The following LTBP4 variants were observed in gnomAD, a reference collection of about 807,000 sequenced individuals.
The protein encoded by LTBP4 is latent transforming growth factor beta binding protein 4, also known as latent-transforming growth factor beta-binding protein 4.
In LTBP4, 93 loss-of-function variants were observed where a neutral mutation model predicts 180.2. That is an observed-to-expected ratio of 0.52 (90% confidence interval 0.44 to 0.61). LTBP4 has a LOEUF of 0.61. Ranked by LOEUF, LTBP4 falls within the 20% of genes least tolerant of loss-of-function variation. The pLI, the probability that LTBP4 is intolerant of heterozygous loss-of-function variation, is 0.00. For missense variants in LTBP4, 2,116 were observed against 2,256.5 expected (o/e 0.94, Z 1.26); for synonymous variants, 947 against 934.5 (o/e 1.01, Z -0.24).
rs1251903579 is a variant in LTBP4 at position 40,609,837 on chromosome 19, C to G, written c.1650C>G (p.Gly550=). The G allele has an allele frequency of 1.3e-6, 2 of 1,596,280 alleles. No individual in the cohort carries two copies. The highest frequency in any genetic ancestry group is 1.7e-6 in the Non-Finnish European group (2 of 1,170,512). The change falls in exon 11 of 30, where the codon GGC becomes GGG. Residue 550 remains glycine, a synonymous_variant. Coordinates refer to ENST00000396819, the MANE Select transcript of LTBP4 (RefSeq NM_001042545.2). The surrounding 1 kb of genome is among the most constrained non-coding windows in gnomAD (Gnocchi z 4.9). ...PGSFRCVCGP[G]FRAGPRAAEC... Reference sequence around the variant, plus strand: ...GCTTCCGCTGCGTGTGCGGCCCGGGCTTCCGAGCCGGCCCACGGGCTGCGG... The same window carrying G: ...GCTTCCGCTGCGTGTGCGGCCCGGGGTTCCGAGCCGGCCCACGGGCTGCGG...
intron 22 of LTBP4, among the ~76,000 whole-genome samples, chr19:40,620,793 T>C (rs1465499248): frequency 1.3e-5 from 2 of 148,328 alleles, no homozygotes; most frequent in Non-Finnish European, 3.0e-5. Context: ...AAAAAAGCTA[T>C]GTATTTATTT....
chr19:40,623,792 T>C, intron 25 of LTBP4, 60 bp downstream of exon 25: 2 of 1,604,180 alleles, frequency 1.2e-6, no homozygotes, highest in South Asian at 2.2e-5. Flanking sequence ...CCTTGCCAGC[T>C]CCCCTCTGGA....
Position 40,605,738 on chromosome 19 carries a change from C to T in LTBP4, c.700C>T (p.Pro234Ser). Residue 234 changes from proline (P) to serine (S), a missense_variant, in exon 4 of 30, where the codon CCG becomes TCG. Coordinates refer to ENST00000396819, the MANE Select transcript of LTBP4 (RefSeq NM_001042545.2). This position sits in a 1 kb window ranked among gnomAD's most constrained non-coding sequence, Gnocchi z 5.5. ...CAACACTTCCCCGCAGTGCGCGTCCCCGCTGCCCGGGCTCCGGACGCAGGA... is the reference window on the plus strand; with the variant it reads ...CAACACTTCCCCGCAGTGCGCGTCCTCGCTGCCCGGGCTCCGGACGCAGGA... Reference protein sequence around the residue: ...RELRGGECASPLPGLRTQEVC... With the variant: ...RELRGGECASSLPGLRTQEVC... 6.5e-7 allele frequency: 1 copy of T among 1,545,812 alleles called. No homozygotes were observed. The highest frequency in any genetic ancestry group is 8.7e-7 in the Non-Finnish European group (1 of 1,146,544).
chr19:40,625,293 TATATATATATATATA>T (rs2081622615), intron 26 of LTBP4, among the ~76,000 whole-genome samples: 4 of 12,826 alleles, frequency 3.1e-4, no homozygotes, highest in Non-Finnish European at 4.8e-4. Flanking sequence ...TATATATATA[TATATATATATATATA>T]TATATATATT....
chr19:40,600,109 G>A (rs1599857482), upstream of LTBP4: 2 of 1,258,326 alleles, frequency 1.6e-6, no homozygotes, highest in Non-Finnish European at 2.0e-6. The surrounding 1 kb of genome is among the most constrained non-coding windows in gnomAD (Gnocchi z 4.4). Context: ...CGGCGGCCCC[G>A]GGGGCCAGGG....
At chr19:40,612,775 T>C (rs1028924121) in intron 15 of LTBP4, among the ~76,000 whole-genome samples, 1 of 152,208 alleles carries the variant, frequency 6.6e-6, no homozygotes, top group African/African-American at 2.4e-5. Flanking sequence ...TAGTTTATAA[T>C]ACTTGACTGG....
chr19:40,621,014 T>A (rs1168652150), intron 22 of LTBP4, among the ~76,000 whole-genome samples: 1 of 151,750 alleles, frequency 6.6e-6, no homozygotes, highest in Non-Finnish European at 1.5e-5. Context: ...TGATCTCAGC[T>A]CACTGTAACC....
chr19:40,626,265 T>C (rs1287993400), intron 27 of LTBP4, among the ~76,000 whole-genome samples: 1 of 152,080 alleles, frequency 6.6e-6, no homozygotes, highest in African/African-American at 2.4e-5. Context: ...TGAGGTCTGG[T>C]CTCTCATATG....
chr19:40,607,648 C>T, intron 7 of LTBP4, 119 bp downstream of exon 7: 1 of 1,172,084 alleles, frequency 8.5e-7, no homozygotes, highest in Non-Finnish European at 1.2e-6. Context: ...CAGCCTTGGC[C>T]ACGCAGCAGC....
intron 22 of LTBP4, among the ~76,000 whole-genome samples, chr19:40,621,163 G>C (rs138779544): frequency 6.6e-6 from 1 of 152,012 alleles, no homozygotes; most frequent in Non-Finnish European, 1.5e-5. Flanking sequence ...GGCTGGTCTC[G>C]AACTCCTGAC....
upstream of LTBP4, among the ~76,000 whole-genome samples, chr19:40,597,669 G>C (rs867000945): frequency 1.4e-4 from 22 of 152,086 alleles, no homozygotes; most frequent in African/African-American, 4.3e-4. Flanking sequence ...GGGGGTGGGG[G>C]GCTGAGCTCT....
chr19:40,608,531 G>T lies in LTBP4; in HGVS notation c.1354G>T (p.Asp452Tyr), dbSNP rs373835441. 2.5e-6 allele frequency: 4 copies of T among 1,605,440 alleles called. No homozygotes were observed. The highest frequency in any genetic ancestry group is 1.7e-5 in the Admixed American group (1 of 58,812). ...GGAGCCCCGGCCTGAACCCCGGCCCGATCCCCGGCCCGGCCCTGAGCTTCC... is the reference window on the plus strand; with the variant it reads ...GGAGCCCCGGCCTGAACCCCGGCCCTATCCCCGGCCCGGCCCTGAGCTTCC... The part of the protein sequence containing the change: ...RLEPRPEPRP[D>Y]PRPGPELPLP... The change falls in exon 9 of 30, where the codon GAT becomes TAT. Residue 452 changes from aspartate (D) to tyrosine (Y), a missense_variant. Transcript: ENST00000396819.
chr19:40,619,553 C>G (rs2081572406), intron 22 of LTBP4, 60 bp downstream of exon 22: 3 of 1,522,018 alleles, frequency 2.0e-6, no homozygotes, highest in Admixed American at 3.9e-5. Flanking sequence ...ATCACGTGGT[C>G]TAATCATTCC....
In LTBP4 at chr19:40,608,556, C is replaced by T. The variant is rs1302659996; in HGVS notation, c.1379C>T (p.Pro460Leu). 6.2e-7 allele frequency: 1 copy of T among 1,604,660 alleles called. No homozygotes were observed. Among genetic ancestry groups the T allele is most frequent in the Non-Finnish European group, 8.5e-7 (1 of 1,176,066 alleles). Reference protein sequence around the residue: ...RPDPRPGPELPLPSIPAWTGP... With the variant: ...RPDPRPGPELLLPSIPAWTGP... ...GATCCCCGGCCCGGCCCTGAGCTTC[C>T]CTTGCCCAGCATCCCTGCCTGGACT... The change falls in exon 9 of 30, where the codon CCC becomes CTC. Residue 460 changes from proline to leucine, a missense_variant. Coordinates refer to ENST00000396819, the MANE Select transcript of LTBP4 (RefSeq NM_001042545.2).
intron 28 of LTBP4, 66 bp downstream of exon 28, chr19:40,627,421 G>C: frequency 6.9e-7 from 1 of 1,442,232 alleles, no homozygotes; most frequent in Non-Finnish European, 9.1e-7. Flanking sequence ...AGAGGAGGGA[G>C]GGAAACAGAA....
upstream of LTBP4, among the ~76,000 whole-genome samples, chr19:40,600,702 A>G (rs564128259): frequency 6.6e-6 from 1 of 151,640 alleles, no homozygotes; most frequent in African/African-American, 2.4e-5. The surrounding 1 kb of genome is among the most constrained non-coding windows in gnomAD (Gnocchi z 4.4). Flanking sequence ...CCCTCCCCCT[A>G]AAGTCTTCCA....
At position 40,605,336 on chromosome 19, in the gene LTBP4, C is replaced by T. The variant is rs2081451615; in HGVS notation, c.443-69C>T. 6.3e-7 allele frequency: 1 copy of T among 1,593,686 alleles called. No individual in the cohort carries two copies. Among genetic ancestry groups the T allele is most frequent in the Non-Finnish European group, 8.6e-7 (1 of 1,168,714 alleles). ...AGCACCTTTGCCCAGCTCGCCCTCC[C>T]CGCCTTGTCTAGCCCCACCCCGTAA... On this transcript the variant is annotated intron_variant, in intron 2 of 29. Coordinates refer to ENST00000396819, the MANE Select transcript of LTBP4 (RefSeq NM_001042545.2). The surrounding 1 kb of genome is among the most constrained non-coding windows in gnomAD (Gnocchi z 5.5).
intron 6 of LTBP4, 97 bp from the exon 7 acceptor site, chr19:40,607,255 CCACCAACCCCCCA>C: frequency 6.5e-6 from 5 of 766,316 alleles, no homozygotes; most frequent in Non-Finnish European, 8.1e-6. Context: ...CCCCTCGCAC[CCACCAACCCCCCA>C]CCCCCAACCC....
At chr19:40,599,658 C>G (rs981157848), upstream of LTBP4, 5 of 1,143,792 alleles carry the variant, frequency 4.4e-6, no homozygotes, top group Admixed American at 4.0e-5. Context: ...TCTCTCCCCC[C>G]TCCCTCCCCG....
Sources: gnomAD v4.1 joint callset for allele counts (sites outside exome capture counted in the v4.1 genomes callset) on GRCh38, gnomAD v4.1.1 for gene constraint, Gnocchi (gnomAD v3.1) non-coding constraint, MANE v1.5 for transcripts, NCBI Gene and HGNC (gene_info 2026-07-23, HGNC 2026-07-21) for gene names.